CACNA2D3: variants seen among roughly 807,000 people sequenced by gnomAD.
CACNA2D3 encodes the protein voltage-dependent calcium channel subunit alpha-2/delta-3.
In CACNA2D3, 60 loss-of-function variants were observed where a neutral mutation model predicts 160.6. The observed-to-expected ratio is 0.37, with a 90% CI of 0.30 to 0.46. The LOEUF is 0.46. Among genes scored for constraint, CACNA2D3 ranks in the 20% least tolerant of loss-of-function variants. CACNA2D3 has a pLI of 1.00. For missense variants in CACNA2D3, 1,205 were observed against 1,365.0 expected, an observed-to-expected ratio of 0.88 and a Z score of 1.85; for synonymous variants, 558 against 492.9, an observed-to-expected ratio of 1.13 and a Z score of -1.75.
intron 3 of CACNA2D3, among the ~76,000 whole-genome samples, chr3:54,373,651 C>T (rs1698962990): frequency 6.6e-6 from 1 of 152,136 alleles, no homozygotes; most frequent in African/African-American, 2.4e-5. Context: ...ATGACTGTAT[C>T]TGTAACCCCT....
intron 11 of CACNA2D3, among the ~76,000 whole-genome samples, chr3:54,654,270 A>T (rs1450606641): frequency 6.6e-6 from 1 of 152,002 alleles, no homozygotes; most frequent in African/African-American, 2.4e-5. Flanking sequence ...TGGCTCATAG[A>T]TCATATTTTG....
At chr3:54,244,242 G>A (rs1702026770) in intron 2 of CACNA2D3, among the ~76,000 whole-genome samples, 2 of 152,196 alleles carry the variant, frequency 1.3e-5, no homozygotes, top group Non-Finnish European at 2.9e-5. Context: ...CTGGGCTGGT[G>A]TGAGGAAGCG....
chr3:54,464,728 G>A (rs74844972), intron 4 of CACNA2D3, among the ~76,000 whole-genome samples: 47 of 152,318 alleles, frequency 3.1e-4, no homozygotes, highest in Non-Finnish European at 5.0e-4. Flanking sequence ...CGCGCTTCCT[G>A]AGTGAGGCAA....
At chr3:54,804,052 G>A (rs1405110703) in intron 13 of CACNA2D3, among the ~76,000 whole-genome samples, 6 of 148,354 alleles carry the variant, frequency 4.0e-5, no homozygotes, top group South Asian at 2.2e-4. Flanking sequence ...GCTCCTGAAG[G>A]AAGCACTAAA....
intron 2 of CACNA2D3, among the ~76,000 whole-genome samples, chr3:54,290,046 A>C (rs555161939): frequency 1.1e-4 from 17 of 151,568 alleles, no homozygotes; most frequent in African/African-American, 3.9e-4. Flanking sequence ...ACAAAAGCCG[A>C]AATTGACAAA....
chr3:54,598,637 A>G (rs1703005820), intron 9 of CACNA2D3, among the ~76,000 whole-genome samples: 1 of 151,488 alleles, frequency 6.6e-6, no homozygotes, highest in African/African-American at 2.4e-5. Context: ...TGGAGTTCTC[A>G]TGTGCATACC....
At chr3:54,475,072 G>A (rs1309395813) in intron 4 of CACNA2D3, among the ~76,000 whole-genome samples, 2 of 152,174 alleles carry the variant, frequency 1.3e-5, no homozygotes, top group African/African-American at 4.8e-5. Flanking sequence ...CTAAGTAAGA[G>A]ATTACCTTGC....
At chr3:54,169,209 A>G (rs1700511036) in intron 2 of CACNA2D3, among the ~76,000 whole-genome samples, 1 of 152,222 alleles carries the variant, frequency 6.6e-6, no homozygotes, top group South Asian at 2.1e-4. Flanking sequence ...CTTCGAAAGT[A>G]TCAAGGCTGA....
rs182874720 is a variant in CACNA2D3 at position 54,158,650 on chromosome 3, C to T, written c.204+35056C>T. Among the ~76,000 whole-genome samples the T allele has an allele frequency of 1.2e-3, 190 of 152,298 alleles. 1 individual carries two copies. The highest frequency in any genetic ancestry group is 4.5e-3 in the African/African-American group (186 of 41,566). On this transcript the variant is annotated intron_variant, in intron 2 of 37. Coordinates refer to ENST00000474759, the MANE Select transcript of CACNA2D3 (RefSeq NM_018398.3). ...CATGATCAAGTTCCCACATGGACTTCGCCCACAGTGCTTGTTTTTCTGTGT... is the reference window on the plus strand; with the variant it reads ...CATGATCAAGTTCCCACATGGACTTTGCCCACAGTGCTTGTTTTTCTGTGT...
In CACNA2D3 at chr3:54,782,481, T is replaced by C. The variant is rs139566069; in HGVS notation, c.1380+18130T>C. On this transcript the variant is annotated intron_variant, in intron 13 of 37. Transcript: ENST00000474759. ...TAACATTATTACTTATTGTTCCATA[T>C]AGAGTTTTTGTGGAGTGAATTCTTC... 3.5e-3 allele frequency among the ~76,000 whole-genome samples: 537 copies of C among 152,256 alleles called. 3 individuals are homozygous for C. The highest frequency in any genetic ancestry group is 0.011 in the African/African-American group (471 of 41,554).
chr3:55,010,062 G>A (rs942224023), intron 34 of CACNA2D3, among the ~76,000 whole-genome samples: 1 of 152,176 alleles, frequency 6.6e-6, no homozygotes, highest in Non-Finnish European at 1.5e-5. Context: ...GAATGTGTGT[G>A]TGTGCATGTA....
At chr3:54,340,646 A>G (rs922912160) in intron 3 of CACNA2D3, among the ~76,000 whole-genome samples, 3 of 152,202 alleles carry the variant, frequency 2.0e-5, no homozygotes, top group Non-Finnish European at 2.9e-5. Context: ...ATGGACATTT[A>G]ATGTAATGTG....
At chr3:54,887,098 C>G (rs959648834) in intron 23 of CACNA2D3, among the ~76,000 whole-genome samples, 8 of 152,000 alleles carry the variant, frequency 5.3e-5, no homozygotes, top group African/African-American at 1.9e-4. Flanking sequence ...ACCAAGAGTC[C>G]CTTTGGATGG....
chr3:54,488,918 G>T (rs959545590), intron 4 of CACNA2D3, among the ~76,000 whole-genome samples: 1 of 152,166 alleles, frequency 6.6e-6, no homozygotes, highest in African/African-American at 2.4e-5. Flanking sequence ...GCTGTCCTAG[G>T]CACATGATAA....
chr3:54,410,068 C>T (rs116530399), intron 4 of CACNA2D3, among the ~76,000 whole-genome samples: 8,779 of 152,078 alleles, frequency 0.058, 315 homozygotes, highest in Middle Eastern at 0.095. Context: ...GAGGAGAAGT[C>T]GGCTGGGTGT....
At chr3:54,880,951 C>T in intron 21 of CACNA2D3, 88 bp downstream of exon 21, 1 of 1,055,120 alleles carries the variant, frequency 9.5e-7, no homozygotes. Flanking sequence ...ACTTGTTCAT[C>T]TGTCCGCACC....
At chr3:54,406,151 T>G (rs1381996854) in intron 4 of CACNA2D3, among the ~76,000 whole-genome samples, 1 of 151,994 alleles carries the variant, frequency 6.6e-6, no homozygotes, top group Non-Finnish European at 1.5e-5. Flanking sequence ...ACTAAACAAA[T>G]TGAAAATAGA....
intron 11 of CACNA2D3, among the ~76,000 whole-genome samples, chr3:54,655,660 T>C (rs1699864029): frequency 6.6e-6 from 1 of 152,210 alleles, no homozygotes; most frequent in South Asian, 2.1e-4. Context: ...CCATTTTACC[T>C]GAACTCCTGG....
rs547249784 is a variant in CACNA2D3 at position 54,272,218 on chromosome 3, G to A, written c.205-48224G>A. Among the ~76,000 whole-genome samples, 7 of 152,302 alleles carry A rather than the reference G, an allele frequency of 4.6e-5. No homozygotes were observed. The South Asian group carries it at 6.2e-4, about 14-fold the overall frequency. On this transcript the variant is annotated intron_variant, in intron 2 of 37. Transcript: ENST00000474759. Reference sequence around the variant, plus strand: ...GTGGGCATTACCAGTCACTGCCACCGTTGTTGATTGATTTTGAGTCACTTC... The same window carrying A: ...GTGGGCATTACCAGTCACTGCCACCATTGTTGATTGATTTTGAGTCACTTC...
Sources: gnomAD v4.1 joint callset for allele counts (sites outside exome capture counted in the v4.1 genomes callset) on GRCh38, gnomAD v4.1.1 for gene constraint, MANE v1.5 for transcripts, NCBI Gene and HGNC (gene_info 2026-07-23, HGNC 2026-07-21) for gene names.